The following STAMBPL1 variants were observed in gnomAD, a reference collection of about 807,000 sequenced individuals.
The protein encoded by STAMBPL1 is AMSH-like protease.
A neutral mutation model predicts 52.9 loss-of-function variants in STAMBPL1; 44 were observed. That is an observed-to-expected ratio of 0.83 (90% CI 0.65 to 1.07). The LOEUF (loss-of-function observed/expected upper bound fraction) is 1.07. STAMBPL1 is among the 50% of genes least tolerant of loss of function. STAMBPL1 has a pLI of 0.00. For missense variants in STAMBPL1, 511 were observed against 520.8 expected (o/e 0.98, Z 0.18); for synonymous variants, 164 against 177.3 (o/e 0.92, Z 0.60).
chr10:88,882,550 AAAC>A (rs1266708670), intron 1 of STAMBPL1: 7 of 152,232 alleles, frequency 4.6e-5, no homozygotes, highest in Non-Finnish European at 1.0e-4. Context: ...TTCTTGCCCA[AAAC>A]ATGAGAAGTA....
At chr10:88,889,616 T>C (rs1844627023) in intron 1 of STAMBPL1, among the ~76,000 whole-genome samples, 1 of 152,184 alleles carries the variant, frequency 6.6e-6, no homozygotes, top group Non-Finnish European at 1.5e-5. Flanking sequence ...TATTCAAGCA[T>C]TTACAGAATA....
At chr10:88,922,519 C>A in intron 10 of STAMBPL1, 83 bp downstream of exon 10, 2 of 1,280,900 alleles carry the variant, frequency 1.6e-6, no homozygotes, top group South Asian at 1.3e-5. Flanking sequence ...TAGTAGCAGT[C>A]TAATATAAGA....
At chr10:88,894,027 G>C (rs1447051637) in intron 1 of STAMBPL1, 1 of 152,070 alleles carries the variant, frequency 6.6e-6, no homozygotes, top group East Asian at 1.9e-4. Flanking sequence ...CTAGGCTTTA[G>C]TTTTCTTATC....
At chr10:88,920,467 G>C (rs17114161) in intron 8 of STAMBPL1, among the ~76,000 whole-genome samples, 6,982 of 152,268 alleles carry the variant, frequency 0.046, 272 homozygotes, top group East Asian at 0.17. Context: ...AGGACCTAGA[G>C]AGTGGTGCCA....
Position 88,921,251 on chromosome 10 carries a change from C to T in STAMBPL1, c.1042-32C>T, listed in dbSNP as rs777801454. ...CTATGGCCTTGGCTAAGACAGCTAT[C>T]CTAGTAAGATTATCTTATTTTCTAT... On this transcript the variant is annotated intron_variant, in intron 8 of 10. Coordinates refer to ENST00000371926, the MANE Select transcript of STAMBPL1 (RefSeq NM_020799.4). 2.0e-5 allele frequency: 32 copies of T among 1,563,958 alleles called. No individual in the cohort carries two copies. The East Asian group carries it at 6.7e-4, about 33-fold the overall frequency.
chr10:88,923,143 G>A (rs1845556345), intron 10 of STAMBPL1, 25 bp from the exon 11 acceptor site: 1 of 1,577,466 alleles, frequency 6.3e-7, no homozygotes, highest in Non-Finnish European at 8.6e-7. Flanking sequence ...CAAACATATG[G>A]TAAAACCAAT....
chr10:88,882,057 A>G (rs1487083005), intron 1 of STAMBPL1: 1 of 152,244 alleles, frequency 6.6e-6, no homozygotes, highest in Non-Finnish European at 1.5e-5. Flanking sequence ...GCTTTTGCGT[A>G]TACGTTGGCT....
intron 9 of STAMBPL1, among the ~76,000 whole-genome samples, chr10:88,921,961 A>G (rs928868087): frequency 3.1e-4 from 47 of 152,334 alleles, no homozygotes; most frequent in African/African-American, 1.1e-3. Flanking sequence ...GTACCACAGC[A>G]GGTACTCAAT....
At chr10:88,919,042 G>A (rs945739922) in intron 8 of STAMBPL1, among the ~76,000 whole-genome samples, 3 of 152,040 alleles carry the variant, frequency 2.0e-5, no homozygotes, top group Non-Finnish European at 2.9e-5. Context: ...TTTTTATGAC[G>A]GTTTTTATTA....
chr10:88,905,331 C>A (rs1845044941), intron 2 of STAMBPL1, 112 bp from the exon 3 acceptor site: 2 of 802,222 alleles, frequency 2.5e-6, no homozygotes, highest in Non-Finnish European at 4.0e-6. Flanking sequence ...GAAAAGATTT[C>A]CTTAGGTAAT....
At chr10:88,910,235 G>A (rs1845186160) in intron 4 of STAMBPL1, among the ~76,000 whole-genome samples, 2 of 152,160 alleles carry the variant, frequency 1.3e-5, no homozygotes, top group Admixed American at 1.3e-4. Context: ...AGTCCTAAAT[G>A]GGCCGCTAGC....
At chr10:88,920,625 A>G (rs1435452445) in intron 8 of STAMBPL1, among the ~76,000 whole-genome samples, 1 of 152,182 alleles carries the variant, frequency 6.6e-6, no homozygotes, top group African/African-American at 2.4e-5. Context: ...ACACATTTGT[A>G]TATAGCCAGA....
chr10:88,920,010 A>C (rs572284109), intron 8 of STAMBPL1, among the ~76,000 whole-genome samples: 1 of 152,142 alleles, frequency 6.6e-6, no homozygotes, highest in East Asian at 1.9e-4. Flanking sequence ...CTAATTAAAA[A>C]AACTTTTTTT....
intron 4 of STAMBPL1, among the ~76,000 whole-genome samples, chr10:88,909,250 G>A (rs1240492416): frequency 1.3e-5 from 2 of 152,120 alleles, no homozygotes; most frequent in Admixed American, 6.5e-5. Context: ...GCAGGAGGTG[G>A]TAGACTAAAA....
chr10:88,907,489 T>C (rs571801631), intron 3 of STAMBPL1, among the ~76,000 whole-genome samples: 2 of 152,350 alleles, frequency 1.3e-5, no homozygotes, highest in African/African-American at 4.8e-5. Context: ...AATATTTCTT[T>C]TTCACCTTCT....
At chr10:88,912,783 T>C (rs1057251140) in intron 5 of STAMBPL1, 2 of 235,670 alleles carry the variant, frequency 8.5e-6, no homozygotes, top group Non-Finnish European at 1.6e-5. Context: ...TTGTTTCATA[T>C]GGTCTTGTTG....
At chr10:88,890,780 A>G (rs956207778) in intron 1 of STAMBPL1, among the ~76,000 whole-genome samples, 1 of 152,180 alleles carries the variant, frequency 6.6e-6, no homozygotes, top group Admixed American at 6.5e-5. Context: ...TCCAAGTTCT[A>G]TGGTTTTTCC....
chr10:88,902,332 A>G (rs1014255471), intron 2 of STAMBPL1, among the ~76,000 whole-genome samples: 3 of 151,510 alleles, frequency 2.0e-5, no homozygotes, highest in African/African-American at 7.3e-5. Flanking sequence ...TTTTTGCTCA[A>G]TGACAATTGG....
intron 1 of STAMBPL1, among the ~76,000 whole-genome samples, chr10:88,891,906 A>C (rs1844693542): frequency 6.6e-6 from 1 of 152,224 alleles, no homozygotes; most frequent in Non-Finnish European, 1.5e-5. Context: ...TTTTACAGGA[A>C]AGATCCATTT....
Sources: gnomAD v4.1 joint callset for allele counts (sites outside exome capture counted in the v4.1 genomes callset) on GRCh38, gnomAD v4.1.1 for gene constraint, MANE v1.5 for transcripts, NCBI Gene and HGNC (gene_info 2026-07-23, HGNC 2026-07-21) for gene names.